QSOX1: variants seen among roughly 807,000 people sequenced by gnomAD.
The protein encoded by QSOX1 is quiescin sulfhydryl oxidase 1.
QSOX1 carries 40 observed loss-of-function variants against 76.1 expected under a neutral mutation model. The ratio of observed to expected loss-of-function variants is 0.53; its 90% CI spans 0.41 to 0.68. The LOEUF (loss-of-function observed/expected upper bound fraction) is 0.68, where lower values mean the gene tolerates loss of function less well. Ranked by LOEUF, QSOX1 falls within the 30% of genes least tolerant of loss-of-function variation. The pLI is 0.00. For missense variants in QSOX1, 931 were observed against 974.3 expected (o/e 0.96, Z 0.59); for synonymous variants, 392 against 413.1 (o/e 0.95, Z 0.62).
chr1:180,175,264 T>C (rs1662861583), intron 2 of QSOX1, 57 bp from the exon 3 acceptor site: 1 of 1,544,434 alleles, frequency 6.5e-7, no homozygotes, highest in African/African-American at 1.4e-5. Context: ...CAGGCCTGCG[T>C]GGCTGCACTC....
chr1:180,196,765 GAGA>G lies in QSOX1; in HGVS notation c.1977_1979del (p.Lys659del), dbSNP rs1373917313. On this transcript the variant is annotated inframe_deletion, in exon 12 of 12. Transcript: ENST00000367602. This position sits in a 1 kb window ranked among gnomAD's most constrained non-coding sequence, Gnocchi z 4.1. ...TGCATTGCTGGCTGAGTCCAGGGCT[GAGA>G]AGAACCGCCTCTGGGGCCCTTTGGA... 2.5e-6 allele frequency: 4 copies of G among 1,613,886 alleles called. No homozygotes were observed. Among genetic ancestry groups the G allele is most frequent in the Non-Finnish European group, 3.4e-6 (4 of 1,179,892 alleles).
In QSOX1 at chr1:180,198,245, A is replaced by AC. The variant is rs994515173; in HGVS notation, c.*1213dup. On this transcript the variant is annotated 3_prime_UTR_variant, in exon 12 of 12. Transcript: ENST00000367602. ...AGGCCTCTGGATGTGCAGCCTTGCC[A>AC]CCCCCTGCCCCAATCCTCCCTGAGA... 1.3e-5 allele frequency: 6 copies of AC among 456,220 alleles called. No individual in the cohort carries two copies. The Admixed American group carries it at 1.4e-4, about 11-fold the overall frequency. The allele number at this position is 456,220 out of a possible 1,614,324, so 28.3% of individuals were successfully genotyped here. A position where few individuals can be genotyped will look rare whatever the true frequency, so the allele number is the denominator to read the frequency against.
In QSOX1 at chr1:180,201,043, C is replaced by T. The variant is rs1289331467; in HGVS notation, c.*4006C>T. On this transcript the variant is annotated 3_prime_UTR_variant, in exon 12 of 12. Transcript: ENST00000367602. ...GTCTCGGGTCCTTGTTTTTAGGCCT[C>T]GTTTGAAGGAGGGGAAGAAACCAGG... The T allele has an allele frequency of 6.6e-6, 1 of 152,132 alleles. No homozygotes were observed. Among genetic ancestry groups the T allele is most frequent in the East Asian group, 1.9e-4 (1 of 5,196 alleles). 9.4% of individuals were successfully genotyped at this position (152,132 alleles called of 1,614,324 possible). A position where few individuals can be genotyped will look rare whatever the true frequency, so the allele number is the denominator to read the frequency against.
intron 1 of QSOX1, among the ~76,000 whole-genome samples, chr1:180,158,979 G>A (rs946754951): frequency 6.6e-6 from 1 of 152,194 alleles, no homozygotes; most frequent in Non-Finnish European, 1.5e-5. Flanking sequence ...TAAACTCCAA[G>A]CAAGGCTTCC....
chr1:180,184,101 A>G, intron 7 of QSOX1, 51 bp downstream of exon 7: 1 of 1,591,594 alleles, frequency 6.3e-7, no homozygotes, highest in Non-Finnish European at 8.6e-7. Flanking sequence ...CTGATCACAG[A>G]CCACCACACC....
At position 180,154,924 on chromosome 1, in the gene QSOX1, G is replaced by T. The variant is rs745612653; in HGVS notation, c.17G>T (p.Ser6Ile). The change falls in exon 1 of 12, where the codon AGC becomes ATC. Residue 6 changes from serine (S) to isoleucine (I), a missense_variant. By Grantham distance (142) the Ser-to-Ile change is moderately radical. Transcript: ENST00000367602. MRRCN[S>I]GSGPPPSLLL... Reference sequence around the variant, plus strand: ...GCGCCGAGGATGAGGAGGTGCAACAGCGGCTCCGGGCCGCCGCCGTCGCTG... The same window carrying T: ...GCGCCGAGGATGAGGAGGTGCAACATCGGCTCCGGGCCGCCGCCGTCGCTG... 31 of 1,466,162 alleles carry T rather than the reference G, an allele frequency of 2.1e-5. No homozygotes were observed. In the African/African-American group the frequency reaches 2.9e-4, roughly 14 times the overall value. The allele number at this position is 1,466,162 out of a possible 1,614,324, so 90.8% of individuals were successfully genotyped here.
Position 180,182,237 on chromosome 1 carries a change from A to G in QSOX1, c.670A>G (p.Asn224Asp), listed in dbSNP as rs1663056820. ...AVRRVLNTEA[N>D]VVRKFGVTDF... ...GCGCAGGGTGCTGAACACAGAGGCC[A>G]ATGTGGTGAGAAAGTTTGGTGTCAC... Residue 224 changes from asparagine to aspartate, a missense_variant, in exon 6 of 12, where the codon AAT (asparagine) becomes GAT (aspartate). Transcript: ENST00000367602. 6.2e-7 allele frequency: 1 copy of G among 1,614,190 alleles called. No homozygotes were observed. Among genetic ancestry groups the G allele is most frequent in the Non-Finnish European group, 8.5e-7 (1 of 1,180,044 alleles).
At chr1:180,173,524 T>C (rs1662809561) in intron 2 of QSOX1, among the ~76,000 whole-genome samples, 1 of 152,204 alleles carries the variant, frequency 6.6e-6, no homozygotes, top group African/African-American at 2.4e-5. Flanking sequence ...TTTATATTAA[T>C]GTTTTGAAAA....
Position 180,199,436 on chromosome 1 carries a change from A to G in QSOX1, c.*2399A>G, listed in dbSNP as rs893145974. On this transcript the variant is annotated 3_prime_UTR_variant, in exon 12 of 12. Coordinates refer to ENST00000367602, the MANE Select transcript of QSOX1 (RefSeq NM_002826.5). ...CTCGCCTCTGTCTGGTGTGTTACCT[A>G]CTGGGGGCACAGGAACAATTTCCTC... The G allele has an allele frequency of 6.6e-6, 1 of 152,054 alleles. No homozygotes were observed. The highest frequency in any genetic ancestry group is 1.5e-5 in the Non-Finnish European group (1 of 68,028). The allele number at this position is 152,054 out of a possible 1,614,324, so 9.4% of individuals were successfully genotyped here. A position where few individuals can be genotyped will look rare whatever the true frequency, so the allele number is the denominator to read the frequency against.
At chr1:180,167,710 G>A (rs1275994885) in intron 2 of QSOX1, among the ~76,000 whole-genome samples, 2 of 152,172 alleles carry the variant, frequency 1.3e-5, no homozygotes, top group African/African-American at 4.8e-5. Flanking sequence ...AGGTTTAGCT[G>A]AGACCAGGTT....
rs1572058875 is a variant in QSOX1 at position 180,198,790 on chromosome 1, A to C, written c.*1753A>C. ...CCCTGGCTGGGGGCCTGAGAGACAG[A>C]CAGGAACCCACAATCAGGAGGCAAC... On this transcript the variant is annotated 3_prime_UTR_variant, in exon 12 of 12. Transcript: ENST00000367602. The C allele has an allele frequency of 4.4e-6, 1 of 226,842 alleles. No individual in the cohort carries two copies. The highest frequency in any genetic ancestry group is 1.0e-4 in the East Asian group (1 of 9,532). 14.1% of individuals were successfully genotyped at this position (226,842 alleles called of 1,614,324 possible). A position where few individuals can be genotyped will look rare whatever the true frequency, so the allele number is the denominator to read the frequency against.
rs770877395 is a variant in QSOX1 at position 180,202,675 on chromosome 1, C to CCAAA, written c.*5638_*5639insCAAA. On this transcript the variant is annotated 3_prime_UTR_variant, in exon 12 of 12. Transcript: ENST00000367602. ...ATCTCAGTAGATTAGTAAGCTAATG[C>CCAAA]AAAAAAAAAAAAAAAAGGGGAAATA... The CCAAA allele has an allele frequency of 7.0e-5, 9 of 127,740 alleles. No individual in the cohort carries two copies. Among genetic ancestry groups the CCAAA allele is most frequent in the Middle Eastern group, 3.8e-3 (1 of 266 alleles). 7.9% of individuals were successfully genotyped at this position (127,740 alleles called of 1,614,324 possible). A position where few individuals can be genotyped will look rare whatever the true frequency, so the allele number is the denominator to read the frequency against.
chr1:180,183,077 C>T (rs1202593387), intron 6 of QSOX1, among the ~76,000 whole-genome samples: 1 of 152,178 alleles, frequency 6.6e-6, no homozygotes, highest in Admixed American at 6.5e-5. Context: ...CGGGCAGGCC[C>T]AGAAAGTGCC....
At chr1:180,192,735 G>A (rs1463328603) in intron 10 of QSOX1, among the ~76,000 whole-genome samples, 2 of 152,140 alleles carry the variant, frequency 1.3e-5, no homozygotes, top group Non-Finnish European at 1.5e-5. Flanking sequence ...TCCCAATGGA[G>A]GTGTGCACAG....
intron 6 of QSOX1, among the ~76,000 whole-genome samples, chr1:180,183,270 G>A (rs1417454157): frequency 1.3e-5 from 2 of 152,104 alleles, no homozygotes; most frequent in Middle Eastern, 3.2e-3. Context: ...TGCTGGACCC[G>A]GCGTCTCTCT....
intron 1 of QSOX1, among the ~76,000 whole-genome samples, chr1:180,158,808 C>T (rs1469348131): frequency 1.3e-5 from 2 of 152,170 alleles, no homozygotes; most frequent in Admixed American, 6.5e-5. Context: ...ACTTAACACT[C>T]GGAGGCTGCA....
At chr1:180,185,641 G>A (rs3842890) in intron 7 of QSOX1, among the ~76,000 whole-genome samples, 20,955 of 152,212 alleles carry the variant, frequency 0.14, 1,603 homozygotes, top group Middle Eastern at 0.21. Context: ...GAGCCATGTC[G>A]TGTGTATGAA....
chr1:180,181,247 A>C (rs1663026694), intron 5 of QSOX1, among the ~76,000 whole-genome samples: 2 of 152,178 alleles, frequency 1.3e-5, no homozygotes, highest in African/African-American at 2.4e-5. Flanking sequence ...ATATAAGAAA[A>C]AAGGCTAGGG....
intron 8 of QSOX1, among the ~76,000 whole-genome samples, chr1:180,187,975 G>A (rs1265070274): frequency 6.6e-6 from 1 of 152,240 alleles, no homozygotes; most frequent in Non-Finnish European, 1.5e-5. Context: ...CCCTGCCGGT[G>A]CCTGCAGTGT....
Sources: allele counts gnomAD v4.1 joint callset (sites outside exome capture counted in the v4.1 genomes callset), GRCh38; gene constraint gnomAD v4.1.1; non-coding constraint Gnocchi (gnomAD v3.1); transcripts MANE v1.5; gene names NCBI Gene and HGNC (gene_info 2026-07-23, HGNC 2026-07-21).